TRHDE: variants seen among roughly 807,000 people sequenced by gnomAD.
TRHDE encodes the protein thyrotropin releasing hormone degrading enzyme.
Under a neutral mutation model 125.7 loss-of-function variants are expected in TRHDE, and 72 were observed. The ratio of observed to expected loss-of-function variants is 0.57; its 90% CI spans 0.47 to 0.70. The LOEUF (loss-of-function observed/expected upper bound fraction) is 0.70, where lower values mean the gene tolerates loss of function less well. TRHDE is among the 30% of genes least tolerant of loss of function. TRHDE has a pLI of 0.00. For missense variants in TRHDE, 1,110 were observed against 1,327.1 expected (o/e 0.84, Z 2.54); for synonymous variants, 509 against 509.1 (o/e 1.00, Z 0.00).
chr12:72,136,072 T>C (rs756058899), intron 2 of TRHDE, among the ~76,000 whole-genome samples: 3 of 152,202 alleles, frequency 2.0e-5, no homozygotes, highest in Non-Finnish European at 2.9e-5. Context: ...GAGTCAGGTT[T>C]CAATTAATTT....
intron 7 of TRHDE, among the ~76,000 whole-genome samples, chr12:72,547,395 C>G (rs935523831): frequency 2.0e-5 from 3 of 151,684 alleles, no homozygotes; most frequent in Admixed American, 6.6e-5. Flanking sequence ...CCAATTTTCT[C>G]TTTGAATGAG....
intron 5 of TRHDE, among the ~76,000 whole-genome samples, chr12:72,478,507 A>G (rs1482224408): frequency 2.4e-5 from 3 of 124,638 alleles, no homozygotes; most frequent in Admixed American, 1.6e-4. Context: ...CTGAAAATAT[A>G]AACGTCTTTT....
At chr12:72,363,148 T>C (rs113577180) in intron 2 of TRHDE, among the ~76,000 whole-genome samples, 1,602 of 151,876 alleles carry the variant, frequency 0.011, 35 homozygotes, top group African/African-American at 0.036. Flanking sequence ...CTATAAATTA[T>C]CTTGGGCAGT....
At chr12:72,146,952 TC>T (rs1472689056) in intron 2 of TRHDE, among the ~76,000 whole-genome samples, 1 of 152,168 alleles carries the variant, frequency 6.6e-6, no homozygotes, top group Non-Finnish European at 1.5e-5. Flanking sequence ...AAGGCGGTTT[TC>T]CCCTGGAGTC....
intron 5 of TRHDE, among the ~76,000 whole-genome samples, chr12:72,481,195 A>G (rs1043071172): frequency 2.6e-5 from 4 of 151,968 alleles, no homozygotes; most frequent in Non-Finnish European, 5.9e-5. Context: ...GCAAGGAGTG[A>G]TTGTCTCAGT....
At chr12:72,383,869 C>T (rs184851097) in intron 3 of TRHDE, among the ~76,000 whole-genome samples, 41 of 152,138 alleles carry the variant, frequency 2.7e-4, no homozygotes, top group African/African-American at 8.9e-4. Flanking sequence ...AAATGGATTC[C>T]AGAAATTTAA....
chr12:72,339,185 T>C (rs1375492669), intron 2 of TRHDE, among the ~76,000 whole-genome samples: 2 of 152,170 alleles, frequency 1.3e-5, no homozygotes, highest in African/African-American at 4.8e-5. Context: ...AATTTTTTCC[T>C]TTTTGGTAAA....
At chr12:72,421,551 G>A (rs939101261) in intron 3 of TRHDE, among the ~76,000 whole-genome samples, 5 of 152,150 alleles carry the variant, frequency 3.3e-5, no homozygotes, top group Non-Finnish European at 7.3e-5. Flanking sequence ...AAAGTTATGT[G>A]GCATTATTTT....
At chr12:72,431,911 C>A in intron 3 of TRHDE, 1 of 188,850 alleles carries the variant, frequency 5.3e-6, no homozygotes, top group South Asian at 1.1e-4. Flanking sequence ...ATCAGAAGTT[C>A]AGTGGACTTC....
At chr12:72,374,460 T>C (rs1231837391) in intron 2 of TRHDE, among the ~76,000 whole-genome samples, 1 of 151,994 alleles carries the variant, frequency 6.6e-6, no homozygotes, top group Non-Finnish European at 1.5e-5. Flanking sequence ...ACTTTTGGCA[T>C]CTACATGACA....
chr12:72,206,127 T>C (rs896594903), intron 2 of TRHDE, among the ~76,000 whole-genome samples: 3 of 149,634 alleles, frequency 2.0e-5, no homozygotes, highest in African/African-American at 7.5e-5. Context: ...TGCTGTGTCA[T>C]GCAGGCTGGA....
chr12:72,592,917 TGGCC>T (rs1214988819), intron 12 of TRHDE, among the ~76,000 whole-genome samples: 2 of 152,174 alleles, frequency 1.3e-5, no homozygotes, highest in Non-Finnish European at 2.9e-5. Flanking sequence ...TTTGCCATGT[TGGCC>T]AGGCTGGTCT....
At chr12:72,563,993 A>G (rs1870310987) in intron 9 of TRHDE, among the ~76,000 whole-genome samples, 2 of 152,188 alleles carry the variant, frequency 1.3e-5, no homozygotes, top group South Asian at 4.1e-4. Flanking sequence ...CTCTAAGAAG[A>G]ATGGAAATTG....
chr12:72,591,809 T>C (rs1313747467), intron 12 of TRHDE, among the ~76,000 whole-genome samples: 1 of 151,960 alleles, frequency 6.6e-6, no homozygotes, highest in African/African-American at 2.4e-5. Context: ...TTAAACATTT[T>C]TTTTCAATGT....
intron 2 of TRHDE, among the ~76,000 whole-genome samples, chr12:72,176,823 G>C (rs1365270553): frequency 6.6e-6 from 1 of 152,136 alleles, no homozygotes; most frequent in Non-Finnish European, 1.5e-5. Context: ...AACTAAAATA[G>C]TCATTTTGAT....
chr12:72,574,142 T>A (rs560921813), intron 10 of TRHDE, among the ~76,000 whole-genome samples: 1 of 152,036 alleles, frequency 6.6e-6, no homozygotes, highest in Non-Finnish European at 1.5e-5. Context: ...TAGTCTCTAC[T>A]TGAGAGAGAG....
At chr12:72,147,593 A>G (rs1876258463) in intron 2 of TRHDE, 1 of 152,208 alleles carries the variant, frequency 6.6e-6, no homozygotes, top group Admixed American at 6.5e-5. Flanking sequence ...GAAAAGGAGC[A>G]TGATTATATT....
intron 6 of TRHDE, among the ~76,000 whole-genome samples, chr12:72,537,129 T>C (rs527607619): frequency 6.6e-6 from 1 of 152,178 alleles, no homozygotes; most frequent in South Asian, 2.1e-4. Flanking sequence ...ACTTTATGCC[T>C]CAATTTTCTG....
At chr12:72,634,542 G>T (rs1873639056) in intron 15 of TRHDE, among the ~76,000 whole-genome samples, 1 of 151,128 alleles carries the variant, frequency 6.6e-6, no homozygotes, top group East Asian at 2.0e-4. Flanking sequence ...GGGTACATGT[G>T]CACAATGTGC....
Sources: gnomAD v4.1 joint callset for allele counts (sites outside exome capture counted in the v4.1 genomes callset) on GRCh38, gnomAD v4.1.1 for gene constraint, MANE v1.5 for transcripts, NCBI Gene and HGNC (gene_info 2026-07-23, HGNC 2026-07-21) for gene names.